The following COQ8A variants were observed in gnomAD, a reference collection of about 807,000 sequenced individuals.
COQ8A encodes the protein coenzyme Q8A.
In COQ8A, 51 loss-of-function variants were observed where a neutral mutation model predicts 65.0. The observed-to-expected ratio is 0.78, with a 90% CI of 0.63 to 0.99. COQ8A has a LOEUF of 0.99. COQ8A is among the 50% of genes least tolerant of loss of function. COQ8A has a pLI of 0.00. For missense variants in COQ8A, 940 were observed against 875.0 expected, an observed-to-expected ratio of 1.07 and a Z score of -0.94; for synonymous variants, 371 against 353.2, an observed-to-expected ratio of 1.05 and a Z score of -0.57.
At position 226,948,683 on chromosome 1, in the gene COQ8A, CTG is replaced by C. The variant is rs969586781; in HGVS notation, c.-10+8293_-10+8294del. On this transcript the variant is annotated intron_variant, in intron 1 of 14. Coordinates refer to ENST00000366777, the MANE Select transcript of COQ8A (RefSeq NM_020247.5). ...TTGTAATTTGTGTGGGTGGATCACT[CTG>C]TGTGTGTGGGTGGAGTGGGAAGAGT... 3.3e-5 allele frequency among the ~76,000 whole-genome samples: 5 copies of C among 152,232 alleles called. No homozygotes were observed. The South Asian group carries it at 8.3e-4, about 25-fold the overall frequency.
rs764173526 is a variant in COQ8A, at chr1:226,965,708, C to T, written c.626C>T (p.Thr209Met). The T allele has an allele frequency of 4.0e-5, 64 of 1,613,904 alleles. No individual in the cohort carries two copies. The highest frequency in any genetic ancestry group is 4.7e-5 in the Non-Finnish European group (55 of 1,180,038). ...EHARERKVPVTRIGRLANFGG... is the reference protein window; with the variant it reads ...EHARERKVPVMRIGRLANFGG... ...GCCCGGGAGCGGAAGGTGCCTGTGACGAGGATTGGCCGGCTGGCCAACTTC... is the reference window on the plus strand; with the variant it reads ...GCCCGGGAGCGGAAGGTGCCTGTGATGAGGATTGGCCGGCTGGCCAACTTC... Residue 209 changes from threonine to methionine, a missense_variant, in exon 4 of 15, where the codon ACG becomes ATG. Physicochemically the swap from Thr to Met is moderately conservative, Grantham distance 81. Coordinates refer to ENST00000366777, the MANE Select transcript of COQ8A (RefSeq NM_020247.5).
At chr1:226,964,971 C>T in intron 2 of COQ8A, 29 bp from the exon 3 acceptor site, 1 of 1,612,910 alleles carries the variant, frequency 6.2e-7, no homozygotes, top group Non-Finnish European at 8.5e-7. Context: ...CGCTCTTGCT[C>T]TCCTAATGCT....
chr1:226,982,193 C>CT (rs1241897611), intron 6 of COQ8A, 44 bp downstream of exon 6: 9 of 1,543,220 alleles, frequency 5.8e-6, no homozygotes, highest in Non-Finnish European at 2.6e-6. Context: ...GCGTGGGCTG[C>CT]TGGGGGGGTC....
intron 1 of COQ8A, among the ~76,000 whole-genome samples, chr1:226,958,720 G>T (rs1362885852): frequency 6.6e-6 from 1 of 152,172 alleles, no homozygotes; most frequent in East Asian, 1.9e-4. Context: ...ATCATTTATG[G>T]TCACTCTTTT....
At chr1:226,978,802 GCTCCTTACACACCCTCCATGCACACAC>G (rs1296510837) in intron 5 of COQ8A, among the ~76,000 whole-genome samples, 1 of 74,602 alleles carries the variant, frequency 1.3e-5, no homozygotes, top group African/African-American at 4.8e-5. Context: ...CACCCGCACA[GCTCCTTACACACCCTCCATGCACACAC>G]CTCCTTACAC....
At chr1:226,951,012 C>T (rs1657340376) in intron 1 of COQ8A, among the ~76,000 whole-genome samples, 1 of 152,202 alleles carries the variant, frequency 6.6e-6, no homozygotes, top group African/African-American at 2.4e-5. Flanking sequence ...GTGTGAGGGC[C>T]ATGGTGAGCT....
At chr1:226,956,757 C>T (rs1259122999) in intron 1 of COQ8A, among the ~76,000 whole-genome samples, 1 of 127,338 alleles carries the variant, frequency 7.9e-6, no homozygotes, top group Non-Finnish European at 1.7e-5. Flanking sequence ...CTGGCTGCCA[C>T]TCCCTGGTTC....
rs746577141 is a variant in COQ8A, at chr1:226,965,166, C to G, written c.344C>G (p.Pro115Arg). The G allele has an allele frequency of 3.6e-5, 58 of 1,613,734 alleles. No homozygotes were observed. Among genetic ancestry groups the G allele is most frequent in the Non-Finnish European group, 4.3e-5 (51 of 1,180,040 alleles). ...PSLGHAHSEG[P>R]APAYVASGPF... ...CTGGGTCATGCCCACAGCGAGGGCC[C>G]AGCTCCTGCCTACGTGGCCAGTGGA... The change falls in exon 3 of 15, where the codon CCA becomes CGA. Residue 115 changes from proline (P) to arginine (R), a missense_variant. Physicochemically the swap from Pro to Arg is moderately radical, Grantham distance 103. Transcript: ENST00000366777.
intron 8 of COQ8A, 106 bp from the exon 9 acceptor site, chr1:226,983,446 G>T: frequency 9.5e-7 from 1 of 1,057,166 alleles, no homozygotes; most frequent in African/African-American, 1.6e-5. Flanking sequence ...GTGTGGGCTG[G>T]GGCCAGGACA....
intron 2 of COQ8A, among the ~76,000 whole-genome samples, chr1:226,963,561 C>T (rs926549579): frequency 6.6e-6 from 1 of 152,218 alleles, no homozygotes; most frequent in Non-Finnish European, 1.5e-5. Context: ...ACTGTCAAGC[C>T]TTCCCTGGGG....
intron 14 of COQ8A, 129 bp from the exon 15 acceptor site, chr1:226,986,324 C>A (rs984583796): frequency 8.3e-6 from 9 of 1,079,110 alleles, no homozygotes; most frequent in African/African-American, 1.6e-5. Flanking sequence ...ATGCCCATTA[C>A]CATGATGTAA....
At chr1:226,981,073 A>T (rs1035109869) in intron 5 of COQ8A, among the ~76,000 whole-genome samples, 4 of 152,220 alleles carry the variant, frequency 2.6e-5, no homozygotes, top group Admixed American at 2.0e-4. Flanking sequence ...ATCTAACTAG[A>T]TTCACAGGAC....
At chr1:226,948,251 C>T (rs868208272) in intron 1 of COQ8A, among the ~76,000 whole-genome samples, 36 of 152,354 alleles carry the variant, frequency 2.4e-4, no homozygotes, top group Middle Eastern at 6.8e-3. Context: ...AGGCTGCCTG[C>T]ATTCCTTGGC....
intron 1 of COQ8A, among the ~76,000 whole-genome samples, chr1:226,945,517 G>A (rs367782706): frequency 3.9e-5 from 6 of 152,312 alleles, no homozygotes; most frequent in East Asian, 3.9e-4. Flanking sequence ...TCGATTGCCC[G>A]GTAAGCTGAA....
chr1:226,968,919 T>A (rs28534769), intron 4 of COQ8A, among the ~76,000 whole-genome samples: 18,390 of 152,124 alleles, frequency 0.12, 1,111 homozygotes, highest in East Asian at 0.18. Context: ...ATATATTGGA[T>A]ATGGGGTCAG....
chr1:226,965,889 T>C lies in COQ8A; in HGVS notation c.655+152T>C. On this transcript the variant is annotated intron_variant, in intron 4 of 14. Transcript: ENST00000366777. ...GCCCCTGCATGAGCTTTTGGGGAGC[T>C]GGAGTTTTTCATGGGAGGATGATTC... The C allele has an allele frequency of 6.2e-6, 5 of 800,608 alleles. No individual in the cohort carries two copies. The South Asian group carries it at 7.4e-5, about 12-fold the overall frequency. 49.6% of individuals were successfully genotyped at this position (800,608 alleles called of 1,614,324 possible).
chr1:226,976,701 G>A (rs1659259750), intron 4 of COQ8A, among the ~76,000 whole-genome samples: 1 of 152,172 alleles, frequency 6.6e-6, no homozygotes, highest in African/African-American at 2.4e-5. Flanking sequence ...TTCTTGAGCA[G>A]CTGGGATCAT....
At chr1:226,982,618 A>G in intron 6 of COQ8A, 60 bp from the exon 7 acceptor site, 1 of 1,571,248 alleles carries the variant, frequency 6.4e-7, no homozygotes, top group South Asian at 1.1e-5. Context: ...GTGCCCGCCC[A>G]GGTCCTGGGC....
In COQ8A at chr1:226,965,722, C is replaced by G. The variant is rs750421327; in HGVS notation, c.640C>G (p.Leu214Val). ...RKVPVTRIGR[L>V]ANFGGLAVGL... ...GGTGCCTGTGACGAGGATTGGCCGG[C>G]TGGCCAACTTCGGAGGTAAGGTGGC... Residue 214 changes from leucine (L) to valine (V), a missense_variant, in exon 4 of 15, where the codon CTG becomes GTG. Transcript: ENST00000366777. 1 of 1,613,872 alleles carries G rather than the reference C, an allele frequency of 6.2e-7. No individual in the cohort carries two copies. The highest frequency in any genetic ancestry group is 1.1e-5 in the South Asian group (1 of 91,086).
Sources: gnomAD v4.1 joint callset for allele counts (sites outside exome capture counted in the v4.1 genomes callset) on GRCh38, gnomAD v4.1.1 for gene constraint, MANE v1.5 for transcripts, NCBI Gene and HGNC (gene_info 2026-07-23, HGNC 2026-07-21) for gene names.